The following HCN1 variants were observed in gnomAD, a reference collection of about 807,000 sequenced individuals.
The protein encoded by HCN1 is hyperpolarization activated cyclic nucleotide gated potassium channel 1.
A neutral mutation model predicts 78.9 loss-of-function variants in HCN1; 13 were observed. That is an observed-to-expected ratio of 0.16 (90% confidence interval 0.11 to 0.26). HCN1 has a LOEUF of 0.26. HCN1 is among the 10% of genes least tolerant of loss of function. HCN1 has a pLI of 1.00. For synonymous variants in HCN1, 552 were observed against 455.5 expected, an observed-to-expected ratio of 1.21 and a Z score of -2.70; for missense variants, 810 against 1,154.3, an observed-to-expected ratio of 0.70 and a Z score of 4.32.
chr5:45,588,079 C>T (rs768476293), intron 2 of HCN1, among the ~76,000 whole-genome samples: 6 of 152,132 alleles, frequency 3.9e-5, no homozygotes, highest in Non-Finnish European at 5.9e-5. Flanking sequence ...CGTTTATGTG[C>T]CACCAAAGTA....
chr5:45,518,013 A>G (rs535951223), intron 2 of HCN1, among the ~76,000 whole-genome samples: 6 of 152,252 alleles, frequency 3.9e-5, no homozygotes, highest in African/African-American at 1.4e-4. Context: ...AATTTCAGAT[A>G]AATGAATGCT....
At chr5:45,397,550 A>G (rs1249123506) in intron 3 of HCN1, among the ~76,000 whole-genome samples, 1 of 151,802 alleles carries the variant, frequency 6.6e-6, no homozygotes, top group Non-Finnish European at 1.5e-5. Context: ...ATTTTATTGA[A>G]CTCCCTAATT....
At chr5:45,365,186 T>A (rs1333678212) in intron 4 of HCN1, among the ~76,000 whole-genome samples, 1 of 152,026 alleles carries the variant, frequency 6.6e-6, no homozygotes, top group Non-Finnish European at 1.5e-5. Flanking sequence ...TTTTACATAT[T>A]TTTATTTTTA....
intron 4 of HCN1, among the ~76,000 whole-genome samples, chr5:45,359,664 A>C (rs1747073231): frequency 6.6e-6 from 1 of 151,796 alleles, no homozygotes; most frequent in South Asian, 2.1e-4. Context: ...ATTTGAAAGT[A>C]GGCTACACTA....
intron 3 of HCN1, among the ~76,000 whole-genome samples, chr5:45,443,134 A>G (rs1414648373): frequency 6.6e-6 from 1 of 152,056 alleles, no homozygotes; most frequent in Admixed American, 6.6e-5. Flanking sequence ...ACAATATTAA[A>G]TTGTTTTTTG....
At position 45,372,736 on chromosome 5, in the gene HCN1, TAAAAATATATACGTATTCTATACAC is replaced by T. The variant is rs1561128768; in HGVS notation, c.1231-19515_1231-19491del. ...ATATAAAAATATATACGTATTTATATAAAAATATATACGTATTCTATACACAAAAATATATACGTATTCTATACAC... is the reference window on the plus strand; with the variant it reads ...ATATAAAAATATATACGTATTTATATAAAAATATATACGTATTCTATACAC... On this transcript the variant is annotated intron_variant, in intron 4 of 7. Coordinates refer to ENST00000303230, the MANE Select transcript of HCN1 (RefSeq NM_021072.4). 1.9e-3 allele frequency among the ~76,000 whole-genome samples: 275 copies of T among 143,514 alleles called. 2 individuals carry two copies. The highest frequency in any genetic ancestry group is 6.4e-3 in the African/African-American group (259 of 40,164). 94.2% of individuals were successfully genotyped at this position (143,514 alleles called of 152,430 possible).
intron 6 of HCN1, among the ~76,000 whole-genome samples, chr5:45,289,670 A>G (rs764536495): frequency 1.8e-4 from 28 of 152,092 alleles, no homozygotes; most frequent in Admixed American, 1.3e-3. Context: ...CTGGAGAGCA[A>G]ATATACAGGC....
intron 2 of HCN1, among the ~76,000 whole-genome samples, chr5:45,607,627 A>G (rs567457318): frequency 2.7e-5 from 4 of 150,246 alleles, no homozygotes; most frequent in African/African-American, 9.7e-5. Flanking sequence ...ATCTAGATAT[A>G]TCTAGAGAGA....
chr5:45,372,519 TAAAAATATATAAA>T, intron 4 of HCN1, among the ~76,000 whole-genome samples: 1 of 126,076 alleles, frequency 7.9e-6, no homozygotes, highest in East Asian at 2.3e-4. Flanking sequence ...CATTTACATA[TAAAAATATATAAA>T]ACATTTACAT....
intron 2 of HCN1, among the ~76,000 whole-genome samples, chr5:45,630,803 A>T (rs1475151408): frequency 2.0e-5 from 3 of 152,088 alleles, no homozygotes; most frequent in Non-Finnish European, 4.4e-5. Flanking sequence ...TACATCCTCA[A>T]AGAGAACTGT....
chr5:45,524,965 GC>G (rs1252911072), intron 2 of HCN1, among the ~76,000 whole-genome samples: 1 of 152,098 alleles, frequency 6.6e-6, no homozygotes, highest in African/African-American at 2.4e-5. Flanking sequence ...TCCAGTTTTT[GC>G]CCATTCAGTA....
At chr5:45,413,177 G>C (rs954975699) in intron 3 of HCN1, among the ~76,000 whole-genome samples, 2 of 152,038 alleles carry the variant, frequency 1.3e-5, no homozygotes, top group African/African-American at 4.8e-5. Context: ...GAAACTTAGA[G>C]TAGGAAATAG....
At chr5:45,354,205 AC>A (rs1223943526) in intron 4 of HCN1, among the ~76,000 whole-genome samples, 3 of 151,880 alleles carry the variant, frequency 2.0e-5, no homozygotes, top group Admixed American at 1.3e-4. Flanking sequence ...CATCTTAAAA[AC>A]GTCTCCAGAT....
intron 2 of HCN1, among the ~76,000 whole-genome samples, chr5:45,512,057 A>G (rs962553281): frequency 5.9e-5 from 9 of 152,092 alleles, no homozygotes; most frequent in African/African-American, 2.2e-4. Context: ...TCATCTTTAT[A>G]TAACTTACTA....
intron 3 of HCN1, among the ~76,000 whole-genome samples, chr5:45,450,662 A>G (rs1740898529): frequency 6.6e-6 from 1 of 152,206 alleles, no homozygotes; most frequent in Non-Finnish European, 1.5e-5. Flanking sequence ...GATATGTGGG[A>G]GCAGTTCCTG....
At chr5:45,406,847 A>T (rs560390590) in intron 3 of HCN1, among the ~76,000 whole-genome samples, 101 of 152,270 alleles carry the variant, frequency 6.6e-4, no homozygotes, top group Non-Finnish European at 2.2e-4. Context: ...TTTCCTGGAG[A>T]GTGTGAGGTC....
chr5:45,552,901 G>A (rs1743396454), intron 2 of HCN1, among the ~76,000 whole-genome samples: 1 of 151,898 alleles, frequency 6.6e-6, no homozygotes, highest in Non-Finnish European at 1.5e-5. Context: ...TCTTTTAACA[G>A]TAGATGGAGA....
intron 1 of HCN1, among the ~76,000 whole-genome samples, chr5:45,670,881 G>C (rs953338387): frequency 6.6e-6 from 1 of 151,480 alleles, no homozygotes; most frequent in African/African-American, 2.4e-5. Context: ...GAAGCAAACA[G>C]CACATTTTAC....
chr5:45,586,137 G>T (rs1744214701), intron 2 of HCN1, among the ~76,000 whole-genome samples: 1 of 152,174 alleles, frequency 6.6e-6, no homozygotes, highest in Non-Finnish European at 1.5e-5. Flanking sequence ...GTCTACAGAG[G>T]CAGGCAGGCT....
Sources: gnomAD v4.1 joint callset for allele counts (sites outside exome capture counted in the v4.1 genomes callset) on GRCh38, gnomAD v4.1.1 for gene constraint, MANE v1.5 for transcripts, NCBI Gene and HGNC (gene_info 2026-07-23, HGNC 2026-07-21) for gene names.